VAMP7: variants seen among roughly 807,000 people sequenced by gnomAD.
VAMP7 encodes vesicle-associated membrane protein 7.
Under a neutral mutation model 29.6 loss-of-function variants are expected in VAMP7, and 14 were observed. That is an observed-to-expected ratio of 0.47 (90% CI 0.31 to 0.74). The LOEUF is 0.74. Among genes scored for constraint, VAMP7 ranks in the 30% least tolerant of loss-of-function variants. The probability of loss-of-function intolerance (pLI) is 0.05; values close to 1 mark genes in which losing one functional copy is unlikely to be tolerated. For missense variants in VAMP7, 223 were observed against 262.4 expected, an observed-to-expected ratio of 0.85 and a Z score of 1.04; for synonymous variants, 95 against 88.1, an observed-to-expected ratio of 1.08 and a Z score of -0.44.
chrX:155,934,311 C>T (rs1304680658), intron 6 of VAMP7, among the ~76,000 whole-genome samples: 1 of 152,108 alleles, frequency 6.6e-6, no homozygotes, highest in African/African-American at 2.4e-5. Flanking sequence ...GTTAAAGTCT[C>T]CCTTTATTAT....
At chrX:155,912,625 C>G (rs2066254175) in intron 5 of VAMP7, among the ~76,000 whole-genome samples, 1 of 151,340 alleles carries the variant, frequency 6.6e-6, no homozygotes, top group African/African-American at 2.4e-5. Context: ...GTTTTCTGTT[C>G]CTTTCTTACC....
At chrX:155,925,838 C>G (rs1202137524) in intron 6 of VAMP7, among the ~76,000 whole-genome samples, 1 of 152,120 alleles carries the variant, frequency 6.6e-6, no homozygotes, top group East Asian at 1.9e-4. Flanking sequence ...CTTGACTTTT[C>G]CCTTTAGCTT....
intron 5 of VAMP7, among the ~76,000 whole-genome samples, chrX:155,905,543 C>G (rs965320375): frequency 2.0e-5 from 3 of 152,122 alleles, no homozygotes; most frequent in African/African-American, 7.2e-5. Flanking sequence ...TTAGCTCTTA[C>G]ATTTCTATCT....
intron 6 of VAMP7, among the ~76,000 whole-genome samples, chrX:155,932,424 A>G (rs760863083): frequency 2.0e-5 from 3 of 152,266 alleles, no homozygotes; most frequent in East Asian, 1.9e-4. Context: ...GGTCCTTCAC[A>G]TCCCTTGTAA....
intron 6 of VAMP7, among the ~76,000 whole-genome samples, chrX:155,938,345 A>C (rs2066693140): frequency 6.6e-6 from 1 of 152,184 alleles, no homozygotes; most frequent in African/African-American, 2.4e-5. Context: ...TCATGAAGTG[A>C]AACCCAAAGA....
chrX:155,911,442 G>T (rs147792080), intron 5 of VAMP7, among the ~76,000 whole-genome samples: 1,839 of 152,128 alleles, frequency 0.012, 36 homozygotes, highest in African/African-American at 0.042. Flanking sequence ...CTCTTTTTTG[G>T]TTCCTGAAAT....
chrX:155,918,173 G>A (rs1265667207), intron 5 of VAMP7, among the ~76,000 whole-genome samples: 1 of 152,104 alleles, frequency 6.6e-6, no homozygotes, highest in Non-Finnish European at 1.5e-5. Context: ...AAGCTCGAGT[G>A]TCCCAGGTCG....
intron 6 of VAMP7, among the ~76,000 whole-genome samples, chrX:155,922,406 A>G (rs2066409512): frequency 6.6e-6 from 1 of 152,040 alleles, no homozygotes; most frequent in South Asian, 2.1e-4. Flanking sequence ...AGGTGGAAGA[A>G]TTCCCTTTAA....
At chrX:155,913,897 C>G (rs1184269929) in intron 5 of VAMP7, among the ~76,000 whole-genome samples, 1 of 152,094 alleles carries the variant, frequency 6.6e-6, no homozygotes, top group Admixed American at 6.5e-5. Context: ...TAGTGTTTTT[C>G]TAATTCTGTG....
rs1196407766 is a variant in VAMP7, at chrX:155,898,092, CTGTGTTG to C, written c.205-19_205-13del. 6.2e-6 allele frequency: 10 copies of C among 1,610,226 alleles called. No homozygotes were observed. The African/African-American group carries it at 1.3e-4, about 22-fold the overall frequency. On this transcript the variant is annotated splice_polypyrimidine_tract_variant and intron_variant, in intron 3 of 7. Coordinates refer to ENST00000286448, the MANE Select transcript of VAMP7 (RefSeq NM_005638.6). Reference sequence around the variant, plus strand: ...TTTGTTTACTTTCTAAATGTGAGTTCTGTGTTGATCTCTTTTCAGGATTTTGAACGTT... The same window carrying C: ...TTTGTTTACTTTCTAAATGTGAGTTCATCTCTTTTCAGGATTTTGAACGTT...
At chrX:155,926,743 A>G (rs370551744) in intron 6 of VAMP7, among the ~76,000 whole-genome samples, 1 of 152,238 alleles carries the variant, frequency 6.6e-6, no homozygotes, top group Non-Finnish European at 1.5e-5. Context: ...AGCTTTCGAC[A>G]TGCCTTACTC....
intron 1 of VAMP7, among the ~76,000 whole-genome samples, chrX:155,883,529 T>C (rs1199689670): frequency 1.3e-5 from 2 of 152,186 alleles, no homozygotes; most frequent in African/African-American, 4.8e-5. Flanking sequence ...CAAGAATTAA[T>C]GTAATAGATC....
intron 5 of VAMP7, 122 bp downstream of exon 5, chrX:155,900,709 T>C (rs2066050085): frequency 1.3e-6 from 1 of 798,344 alleles, no homozygotes; most frequent in Non-Finnish European, 2.0e-6. Flanking sequence ...GGAAGTTAAT[T>C]GTCAGCTGAG....
At chrX:155,913,585 G>C (rs2066268933) in intron 5 of VAMP7, among the ~76,000 whole-genome samples, 1 of 152,052 alleles carries the variant, frequency 6.6e-6, no homozygotes. Flanking sequence ...TCAGTTTTCT[G>C]AATATGGCTA....
chrX:155,886,442 C>T (rs944977996), intron 1 of VAMP7, among the ~76,000 whole-genome samples: 2 of 152,102 alleles, frequency 1.3e-5, no homozygotes, highest in Non-Finnish European at 2.9e-5. Context: ...AAGTTGGGGA[C>T]TGCTTTTATT....
chrX:155,916,319 TC>T (rs1415628254), intron 5 of VAMP7, among the ~76,000 whole-genome samples: 6 of 152,200 alleles, frequency 3.9e-5, no homozygotes, highest in Non-Finnish European at 5.9e-5. Flanking sequence ...AATTTGCCAG[TC>T]TGTGTCTTTT....
rs748843670 is a variant in VAMP7, at chrX:155,895,764, C to T, written c.204+84C>T. The T allele has an allele frequency of 9.4e-5, 115 of 1,229,850 alleles. No individual in the cohort carries two copies. In the African/African-American group the frequency reaches 1.4e-3, roughly 15 times the overall value. 76.2% of individuals were successfully genotyped at this position (1,229,850 alleles called of 1,614,324 possible). A position where few individuals can be genotyped will look rare whatever the true frequency, so the allele number is the denominator to read the frequency against. On this transcript the variant is annotated intron_variant, in intron 3 of 7. Coordinates refer to ENST00000286448, the MANE Select transcript of VAMP7 (RefSeq NM_005638.6). ...CTTAATTATCTATACCAGGGGTCCC[C>T]AACCCCCAGGCTGCAGACCGGTACA...
intron 6 of VAMP7, among the ~76,000 whole-genome samples, chrX:155,934,644 C>T (rs1404736742): frequency 6.6e-6 from 1 of 152,112 alleles, no homozygotes; most frequent in Admixed American, 6.6e-5. Flanking sequence ...TGGGTCTTTA[C>T]TCTTTATCTA....
intron 5 of VAMP7, 42 bp downstream of exon 5, chrX:155,900,629 A>G (rs773558190): frequency 1.3e-6 from 2 of 1,528,094 alleles, no homozygotes; most frequent in South Asian, 2.4e-5. Flanking sequence ...GGCAAAAATG[A>G]TAAAGATTAC....
Sources: gnomAD v4.1 joint callset for allele counts (sites outside exome capture counted in the v4.1 genomes callset) on GRCh38, gnomAD v4.1.1 for gene constraint, MANE v1.5 for transcripts, NCBI Gene and HGNC (gene_info 2026-07-23, HGNC 2026-07-21) for gene names.